Variants in MIDEAS observed in about 807,000 individuals in gnomAD.
MIDEAS encodes mitotic deacetylase associated SANT domain protein.
MIDEAS carries 26 observed loss-of-function variants against 102.7 expected under a neutral mutation model. The observed-to-expected ratio is 0.25, with a 90% CI of 0.19 to 0.35. The LOEUF (loss-of-function observed/expected upper bound fraction) is 0.35, where lower values mean the gene tolerates loss of function less well. MIDEAS is among the 10% of genes least tolerant of loss of function. The pLI is 1.00. For synonymous variants in MIDEAS, 585 were observed against 591.0 expected (o/e 0.99, Z 0.15); for missense variants, 1,231 against 1,435.6 (o/e 0.86, Z 2.30).
intron 1 of MIDEAS, among the ~76,000 whole-genome samples, chr14:73,747,006 G>A (rs2053361090): frequency 6.6e-6 from 1 of 152,138 alleles, no homozygotes; most frequent in Admixed American, 6.5e-5. Flanking sequence ...GGCAACCCCT[G>A]GGGGAGCTCC....
rs1037383416 is a variant in MIDEAS, at chr14:73,759,412, A to C, written c.-248+351T>G. Among the ~76,000 whole-genome samples, 2 of 149,580 alleles carry C rather than the reference A, an allele frequency of 1.3e-5. No individual in the cohort carries two copies. Among genetic ancestry groups the C allele is most frequent in the Non-Finnish European group, 3.0e-5 (2 of 67,282 alleles). On this transcript the variant is annotated intron_variant, in intron 1 of 12. Coordinates refer to ENST00000423556, the MANE Select transcript of MIDEAS (RefSeq NM_001367710.1). This position sits in a 1 kb window ranked among gnomAD's most constrained non-coding sequence, Gnocchi z 6.7. ...AGCCGCCGCGGGCCGCCGGGTGGGGAGGGCTTTCCTGGCGGGGCCGCGCCC... is the reference window on the plus strand; with the variant it reads ...AGCCGCCGCGGGCCGCCGGGTGGGGCGGGCTTTCCTGGCGGGGCCGCGCCC...
upstream of MIDEAS, among the ~76,000 whole-genome samples, chr14:73,764,009 T>C (rs917885468): frequency 1.3e-5 from 2 of 152,192 alleles, no homozygotes; most frequent in African/African-American, 4.8e-5. Context: ...TGTTTTACCC[T>C]GTATCTCCTC....
chr14:73,787,272 GC>G (rs906487731), upstream of MIDEAS: 1 of 148,080 alleles, frequency 6.8e-6, no homozygotes, highest in African/African-American at 2.4e-5. Flanking sequence ...TCGCGCGGTG[GC>G]GCGCAGGGCC....
rs1344047707 is a variant in MIDEAS at position 73,716,871 on chromosome 14, GGCACTCGTATT to G, written c.*1961_*1971del. On this transcript the variant is annotated 3_prime_UTR_variant, in exon 13 of 13. Transcript: ENST00000423556. ...TAGCACTTTGGGGCTAAGCTGCGAAGGCACTCGTATTGTACAAGTAATTTCGAAGAGAGCCT... is the reference window on the plus strand; with the variant it reads ...TAGCACTTTGGGGCTAAGCTGCGAAGGTACAAGTAATTTCGAAGAGAGCCT... 1 of 152,574 alleles carries G rather than the reference GGCACTCGTATT, an allele frequency of 6.6e-6. No homozygotes were observed. Among genetic ancestry groups the G allele is most frequent in the Non-Finnish European group, 1.5e-5 (1 of 68,040 alleles). The allele number at this position is 152,574 out of a possible 1,614,324, so 9.5% of individuals were successfully genotyped here.
rs1037868266 is a variant in MIDEAS, at chr14:73,722,996, TGCCTGCTCTGCA to T, written c.2575-161_2575-150del. ...CCAGGCAATACAAGCATTTTTCCAA[TGCCTGCTCTGCA>T]ACAAACCACTGATCAATTAATCAAT... is the stretch of plus-strand genomic sequence containing the variant. On this transcript the variant is annotated intron_variant, in intron 9 of 12. Coordinates refer to ENST00000423556, the MANE Select transcript of MIDEAS (RefSeq NM_001367710.1). 4.5e-5 allele frequency: 34 copies of T among 759,110 alleles called. No homozygotes were observed. The African/African-American group carries it at 5.8e-4, about 13-fold the overall frequency. 47.0% of individuals were successfully genotyped at this position (759,110 alleles called of 1,614,324 possible). A position where few individuals can be genotyped will look rare whatever the true frequency, so the allele number is the denominator to read the frequency against.
chr14:73,739,479 C>T lies in MIDEAS; in HGVS notation c.530G>A (p.Arg177His), dbSNP rs970184409. 5.0e-6 allele frequency: 8 copies of T among 1,609,162 alleles called. No homozygotes were observed. Among genetic ancestry groups the T allele is most frequent in the Admixed American group, 3.3e-5 (2 of 59,748 alleles). Residue 177 changes from arginine to histidine, a missense_variant, in exon 2 of 13, where the codon CGC (arginine) becomes CAC (histidine). Physicochemically the swap from Arg to His is conservative, Grantham distance 29. Around this residue, in one of 5 missense-constraint regions of MIDEAS, gnomAD observed 758 missense variants for 856.0 expected, o/e 0.89. Transcript: ENST00000423556. ...REKAGGPQLD[R>H]YVRPMMPQKV... ...CTGTGGCATCATTGGTCGCACATAG[C>T]GGTCCAGCTGTGGGCCCCCCGCTTT...
chr14:73,775,077 G>C (rs2053677186), intron 1 of MIDEAS, among the ~76,000 whole-genome samples: 1 of 152,058 alleles, frequency 6.6e-6, no homozygotes. Context: ...AGGAGGAAAA[G>C]GCCAGAGAGG....
At position 73,739,146 on chromosome 14, in the gene MIDEAS, A is replaced by G; in HGVS notation, c.863T>C (p.Phe288Ser). ...CAGTGGCCCAGCTGGCTGCAGGCCA[A>G]AGTCCTGGGGTTGCTGCGAGGGTTG... Reference protein sequence around the residue: ...PQQPSQQPQDFGLQPAGPLGQ... With the variant: ...PQQPSQQPQDSGLQPAGPLGQ... The change falls in exon 2 of 13, where the codon TTT becomes TCT. Residue 288 changes from phenylalanine (F) to serine (S), a missense_variant. By Grantham distance (155) the Phe-to-Ser change is radical. Coordinates refer to ENST00000423556, the MANE Select transcript of MIDEAS (RefSeq NM_001367710.1). 1 of 1,613,454 alleles carries G rather than the reference A, an allele frequency of 6.2e-7. No individual in the cohort carries two copies.
intron 1 of MIDEAS, among the ~76,000 whole-genome samples, chr14:73,778,758 T>G (rs1439360930): frequency 2.0e-5 from 3 of 152,058 alleles, no homozygotes; most frequent in Admixed American, 6.5e-5. Flanking sequence ...ACACCAGGGC[T>G]GGGTCAACCC....
rs1001537809 is a variant in MIDEAS at position 73,759,992 on chromosome 14, C to T, written c.-477G>A. On this transcript the variant is annotated 5_prime_UTR_variant, in exon 1 of 13. Transcript: ENST00000423556. This position sits in a 1 kb window ranked among gnomAD's most constrained non-coding sequence, Gnocchi z 6.7. ...GGGCGGGACGCGCGGGCTGTCACCC[C>T]CCGCTTGCGATGCAGGAGCCTCGGC... 1 of 151,988 alleles carries T rather than the reference C, an allele frequency of 6.6e-6. No homozygotes were observed. Among genetic ancestry groups the T allele is most frequent in the Non-Finnish European group, 1.5e-5 (1 of 67,930 alleles). 9.4% of individuals were successfully genotyped at this position (151,988 alleles called of 1,614,324 possible).
chr14:73,752,023 GGT>G (rs1213597555), intron 1 of MIDEAS, among the ~76,000 whole-genome samples: 2 of 152,092 alleles, frequency 1.3e-5, no homozygotes, highest in African/African-American at 4.8e-5. Flanking sequence ...TCTCTGCTTG[GGT>G]TCCCCCACTC....
chr14:73,769,777 T>A lies in MIDEAS; in HGVS notation c.-248+17325A>T, dbSNP rs540405741. Among the ~76,000 whole-genome samples the A allele has an allele frequency of 2.4e-3, 359 of 152,132 alleles. 2 individuals carry two copies. Among genetic ancestry groups the A allele is most frequent in the African/African-American group, 8.1e-3 (335 of 41,480 alleles). On this transcript the variant is annotated intron_variant, in intron 1 of 11. Coordinates refer to the MIDEAS transcript ENST00000394071. Reference sequence around the variant, plus strand: ...CCACCACGCCCAGCTAATTTTTGTATTTTTAGTAGAGACGGGGTTTCACCA... The same window carrying A: ...CCACCACGCCCAGCTAATTTTTGTAATTTTAGTAGAGACGGGGTTTCACCA...
chr14:73,756,245 T>C (rs888147684), intron 1 of MIDEAS, among the ~76,000 whole-genome samples: 4 of 150,888 alleles, frequency 2.7e-5, no homozygotes, highest in Admixed American at 1.3e-4. Flanking sequence ...CTCCCAAGTG[T>C]GTGACTGCGA....
In MIDEAS at chr14:73,738,670, G is replaced by C. The variant is rs191518649; in HGVS notation, c.1339C>G (p.Arg447Gly). The change falls in exon 2 of 13, where the codon CGG (arginine) becomes GGG (glycine). Residue 447 changes from arginine to glycine, a missense_variant. Physicochemically the swap from Arg to Gly is moderately radical, Grantham distance 125. This residue lies in a region of MIDEAS where 758 missense variants were observed against 856.0 expected (regional missense o/e 0.89). Transcript: ENST00000423556. ...CGCGTGCTCTGGATCACTCCGCCCC[G>C]TAGCACCTGCCCACAGTCCCCTGTG... ...VSTGDCGQVL[R>G]GGVIQSTRRR... 1.5e-5 allele frequency: 24 copies of C among 1,613,678 alleles called. No individual in the cohort carries two copies. The highest frequency in any genetic ancestry group is 2.0e-5 in the Non-Finnish European group (24 of 1,179,918).
At chr14:73,727,043 G>A in intron 5 of MIDEAS, 71 bp from the exon 6 acceptor site, 2 of 1,521,518 alleles carry the variant, frequency 1.3e-6, no homozygotes, top group Non-Finnish European at 1.8e-6. Context: ...ATCCCTCAGG[G>A]TGGGAAGAAG....
At chr14:73,747,718 A>C (rs555608596) in intron 1 of MIDEAS, among the ~76,000 whole-genome samples, 1 of 151,924 alleles carries the variant, frequency 6.6e-6, no homozygotes, top group African/African-American at 2.4e-5. Flanking sequence ...GAAGAGCACG[A>C]TGGGGAATCT....
upstream of MIDEAS, chr14:73,787,336 G>A (rs2140186777): frequency 6.6e-6 from 1 of 150,988 alleles, no homozygotes; most frequent in Non-Finnish European, 1.5e-5. Flanking sequence ...CCTGGCCCCA[G>A]GCGCCGTCTC....
chr14:73,780,026 C>T (rs1369440858), intron 1 of MIDEAS, among the ~76,000 whole-genome samples: 1 of 150,594 alleles, frequency 6.6e-6, no homozygotes, highest in East Asian at 2.0e-4. Flanking sequence ...GTGCCTGCCA[C>T]CACGCCCAGC....
Position 73,737,166 on chromosome 14 carries a change from G to A in MIDEAS, c.1581C>T (p.Ile527=), listed in dbSNP as rs146393886. The change falls in exon 3 of 13, where the codon ATC becomes ATT. Residue 527 remains isoleucine (I), a synonymous_variant. Transcript: ENST00000423556. ...CAGTTCGCACAGGCACAGACACTGGGATGATGAGGGGTACCATCCCACTGT... is the reference window on the plus strand; with the variant it reads ...CAGTTCGCACAGGCACAGACACTGGAATGATGAGGGGTACCATCCCACTGT... ...REDSGMVPLI[I]PVSVPVRTVD... The A allele has an allele frequency of 1.2e-6, 2 of 1,614,110 alleles. No homozygotes were observed. The highest frequency in any genetic ancestry group is 1.7e-6 in the Non-Finnish European group (2 of 1,180,008).
Sources: allele counts gnomAD v4.1 joint callset (sites outside exome capture counted in the v4.1 genomes callset), GRCh38; gene constraint gnomAD v4.1.1; regional missense constraint gnomAD v4.1.1; non-coding constraint Gnocchi (gnomAD v3.1); transcripts MANE v1.5; gene names NCBI Gene and HGNC (gene_info 2026-07-23, HGNC 2026-07-21).